Variants in SLAIN1 observed in about 807,000 individuals in gnomAD.
SLAIN1 encodes the protein SLAIN family member 1.
SLAIN1 carries 17 observed loss-of-function variants against 55.4 expected under a neutral mutation model. That is an observed-to-expected ratio of 0.31 (90% CI 0.21 to 0.46). The LOEUF (loss-of-function observed/expected upper bound fraction) is 0.46, where lower values mean the gene tolerates loss of function less well. SLAIN1 is among the 20% of genes least tolerant of loss of function. SLAIN1 has a pLI of 1.00. For missense variants in SLAIN1, 682 were observed against 785.1 expected (o/e 0.87, Z 1.57); for synonymous variants, 348 against 337.4 (o/e 1.03, Z -0.35).
Position 77,698,631 on chromosome 13 carries a change from C to A in SLAIN1, c.626+92C>A. The stretch of plus-strand genomic sequence containing the variant: ...GGCGGGGGGCGGACGGGGGTCCCCT[C>A]GCGGCAGCCGGGGTGACTCCCCGCG... On this transcript the variant is annotated intron_variant, in intron 1 of 6. Transcript: ENST00000418532. This position sits in a 1 kb window ranked among gnomAD's most constrained non-coding sequence, Gnocchi z 4.1. 4 of 1,314,044 alleles carry A rather than the reference C, an allele frequency of 3.0e-6. No homozygotes were observed. Among genetic ancestry groups the A allele is most frequent in the Non-Finnish European group, 3.9e-6 (4 of 1,035,596 alleles). The allele number at this position is 1,314,044 out of a possible 1,614,324, so 81.4% of individuals were successfully genotyped here.
chr13:77,717,404 A>T (rs530474957), intron 1 of SLAIN1, among the ~76,000 whole-genome samples: 1 of 152,284 alleles, frequency 6.6e-6, no homozygotes, highest in South Asian at 2.1e-4. Context: ...TTTTCTTTAA[A>T]TACTTGGTAG....
Position 77,698,398 on chromosome 13 carries a change from G to T in SLAIN1, c.485G>T (p.Gly162Val). Residue 162 changes from glycine to valine, a missense_variant, in exon 1 of 7, where the codon GGC becomes GTC. Coordinates refer to ENST00000418532, the MANE Select transcript of SLAIN1 (RefSeq NM_001242868.2). This position sits in a 1 kb window ranked among gnomAD's most constrained non-coding sequence, Gnocchi z 4.1. ...GCAGGCTTCTTCGGCGCGGGCGGTG[G>T]CGGGCCGGAGCCGGGGGGCGCGGGG... Reference protein sequence around the residue: ...PAAGFFGAGGGGPEPGGAGTP... With the variant: ...PAAGFFGAGGVGPEPGGAGTP... 7.1e-7 allele frequency: 1 copy of T among 1,405,914 alleles called. No individual in the cohort carries two copies. The highest frequency in any genetic ancestry group is 9.2e-7 in the Non-Finnish European group (1 of 1,082,388). The allele number at this position is 1,405,914 out of a possible 1,614,324, so 87.1% of individuals were successfully genotyped here.
intron 2 of SLAIN1, among the ~76,000 whole-genome samples, chr13:77,733,590 A>G (rs1369966227): frequency 1.3e-5 from 2 of 152,330 alleles, no homozygotes; most frequent in East Asian, 3.9e-4. Context: ...GAAGACTGTG[A>G]GACTTGGGTA....
chr13:77,731,628 C>G (rs2154410018), intron 2 of SLAIN1, among the ~76,000 whole-genome samples: 1 of 152,120 alleles, frequency 6.6e-6, no homozygotes, highest in East Asian at 1.9e-4. Flanking sequence ...TAGTTGTGTT[C>G]TAGAGCAGAA....
chr13:77,744,726 T>C (rs1873700687), intron 3 of SLAIN1, among the ~76,000 whole-genome samples: 1 of 152,084 alleles, frequency 6.6e-6, no homozygotes, highest in African/African-American at 2.4e-5. Flanking sequence ...CCCAGCAAAC[T>C]GCACTCTTGG....
chr13:77,747,731 C>T (rs1383900805), intron 4 of SLAIN1, among the ~76,000 whole-genome samples: 1 of 152,140 alleles, frequency 6.6e-6, no homozygotes, highest in African/African-American at 2.4e-5. Flanking sequence ...ATGGAGGTTG[C>T]TTTCCATTAG....
At chr13:77,722,671 C>G (rs180918629) in intron 2 of SLAIN1, among the ~76,000 whole-genome samples, 19 of 152,180 alleles carry the variant, frequency 1.2e-4, no homozygotes, top group African/African-American at 4.6e-4. Flanking sequence ...CCTTTTACTA[C>G]CTTTAGGGGA....
chr13:77,698,256 G>A lies in SLAIN1; in HGVS notation c.343G>A (p.Gly115Ser), dbSNP rs1347133098. Residue 115 changes from glycine (G) to serine (S), a missense_variant, in exon 1 of 7, where the codon GGC (glycine) becomes AGC (serine). By Grantham distance (56) the Gly-to-Ser change is moderately conservative (BLOSUM62 0). Transcript: ENST00000418532. The surrounding 1 kb of genome is among the most constrained non-coding windows in gnomAD (Gnocchi z 4.1). ...GGGGGSGSGSGGGSSPAFPGT... is the reference protein window; with the variant it reads ...GGGGGSGSGSSGGSSPAFPGT... Reference sequence around the variant, plus strand: ...CGGTGGCGGCAGCGGTAGTGGCAGCGGCGGTGGCTCCAGCCCCGCGTTCCC... The same window carrying A: ...CGGTGGCGGCAGCGGTAGTGGCAGCAGCGGTGGCTCCAGCCCCGCGTTCCC... 3.6e-6 allele frequency: 5 copies of A among 1,393,806 alleles called. No individual in the cohort carries two copies. Among genetic ancestry groups the A allele is most frequent in the Non-Finnish European group, 1.9e-6 (2 of 1,068,942 alleles). 86.3% of individuals were successfully genotyped at this position (1,393,806 alleles called of 1,614,324 possible).
rs148627087 is a variant in SLAIN1, at chr13:77,719,645, G to A, written c.740G>A (p.Arg247His). The A allele has an allele frequency of 2.0e-5, 32 of 1,613,258 alleles. No homozygotes were observed. Among genetic ancestry groups the A allele is most frequent in the Middle Eastern group, 3.3e-4 (2 of 6,078 alleles). ...NPTPEMEAAR[R>H]SLCFRLEQGY... ...ACTCCTGAGATGGAAGCAGCGAGAC[G>A]TTCCCTGTGCTTTAGACTGGAGCAA... The change falls in exon 2 of 7, where the codon CGT becomes CAT. Residue 247 changes from arginine (R) to histidine (H), a missense_variant. Around this residue, in one of 3 missense-constraint regions of SLAIN1, gnomAD observed 401 missense variants for 417.3 expected, o/e 0.96. Coordinates refer to ENST00000418532, the MANE Select transcript of SLAIN1 (RefSeq NM_001242868.2).
chr13:77,760,909 C>T lies in SLAIN1; in HGVS notation c.1496C>T (p.Thr499Ile). ...TCTATCCGACAGCCTCTTAAAGCCA[C>T]AGCCTATGTGAGTCCAACCGTTCAA... ...PVSIRQPLKA[T>I]AYVSPTVQGS... is the part of the protein sequence containing the mutation. The change falls in exon 6 of 7, where the codon ACA becomes ATA. Residue 499 changes from threonine to isoleucine, a missense_variant. Thr to Ile is a moderately conservative substitution (Grantham distance 89, BLOSUM62 -1). This residue lies in a region of SLAIN1 where 244 missense variants were observed against 295.2 expected (regional missense o/e 0.83). Coordinates refer to ENST00000418532, the MANE Select transcript of SLAIN1 (RefSeq NM_001242868.2). The T allele has an allele frequency of 6.2e-7, 1 of 1,614,176 alleles. No homozygotes were observed. The highest frequency in any genetic ancestry group is 2.2e-5 in the East Asian group (1 of 44,890).
intron 2 of SLAIN1, among the ~76,000 whole-genome samples, chr13:77,722,250 T>C (rs1482341126): frequency 1.3e-5 from 2 of 152,124 alleles, no homozygotes; most frequent in Non-Finnish European, 2.9e-5. Flanking sequence ...ACTCAAAACT[T>C]CTTTTGCTGT....
intron 5 of SLAIN1, 130 bp downstream of exon 5, chr13:77,753,488 C>A (rs1172782788): frequency 2.4e-6 from 1 of 414,598 alleles, no homozygotes; most frequent in Non-Finnish European, 3.7e-6. Context: ...TTTTTCCTTG[C>A]CGTGTAACTT....
At chr13:77,708,691 TAACA>T (rs1327736099) in intron 1 of SLAIN1, among the ~76,000 whole-genome samples, 2 of 151,786 alleles carry the variant, frequency 1.3e-5, no homozygotes, top group Non-Finnish European at 2.9e-5. Context: ...GAAGGAAAAC[TAACA>T]AACAGAAAGG....
At chr13:77,732,461 TG>T in intron 2 of SLAIN1, among the ~76,000 whole-genome samples, 1 of 152,266 alleles carries the variant, frequency 6.6e-6, no homozygotes, top group Non-Finnish European at 1.5e-5. Flanking sequence ...GCTTGCATTG[TG>T]GCTGTAGTCT....
At chr13:77,699,150 A>C in intron 1 of SLAIN1, 2 of 1,265,372 alleles carry the variant, frequency 1.6e-6, no homozygotes, top group Non-Finnish European at 2.2e-6. Context: ...TTGCTTTTTA[A>C]AATGGGGTGA....
At chr13:77,714,108 C>T (rs927958834) in intron 1 of SLAIN1, among the ~76,000 whole-genome samples, 5 of 151,932 alleles carry the variant, frequency 3.3e-5, no homozygotes, top group Non-Finnish European at 4.4e-5. Context: ...CACTATGGCA[C>T]GTGTATACCT....
chr13:77,763,096 CAT>C (rs756716836), intron 6 of SLAIN1, 47 bp from the exon 7 acceptor site: 4 of 1,491,966 alleles, frequency 2.7e-6, no homozygotes, highest in African/African-American at 1.4e-5. Flanking sequence ...TGATGTGACT[CAT>C]AGGATTATTA....
chr13:77,699,124 A>G (rs1020934400), intron 1 of SLAIN1: 56 of 1,425,822 alleles, frequency 3.9e-5, no homozygotes, highest in Non-Finnish European at 5.1e-5. Flanking sequence ...TTGAAATCTT[A>G]TTTTCAGAGA....
chr13:77,738,436 T>C (rs1336706243), intron 2 of SLAIN1, among the ~76,000 whole-genome samples: 3 of 151,918 alleles, frequency 2.0e-5, no homozygotes, highest in Non-Finnish European at 2.9e-5. Flanking sequence ...ATTTAGAAAA[T>C]AGGCTGTGAA....
Sources: gnomAD v4.1 joint callset for allele counts (sites outside exome capture counted in the v4.1 genomes callset) on GRCh38, gnomAD v4.1.1 for gene constraint, gnomAD v4.1.1 regional missense constraint, Gnocchi (gnomAD v3.1) non-coding constraint, MANE v1.5 for transcripts, NCBI Gene and HGNC (gene_info 2026-07-23, HGNC 2026-07-21) for gene names.